The following HDAC9 variants were observed in gnomAD, a reference collection of about 807,000 sequenced individuals.
The protein encoded by HDAC9 is histone deacetylase 9, also known as MEF-2 interacting transcription repressor (MITR) protein.
HDAC9 carries 41 observed loss-of-function variants against 139.4 expected under a neutral mutation model. That is an observed-to-expected ratio of 0.29 (90% confidence interval 0.23 to 0.38). HDAC9 has a LOEUF of 0.38. HDAC9 is among the 10% of genes least tolerant of loss of function. The pLI is 1.00. For missense variants in HDAC9, 1,147 were observed against 1,297.0 expected (o/e 0.88, Z 1.78); for synonymous variants, 517 against 476.2 (o/e 1.09, Z -1.12).
intron 14 of HDAC9, among the ~76,000 whole-genome samples, chr7:18,759,465 C>T (rs964343509): frequency 6.6e-6 from 1 of 151,790 alleles, no homozygotes; most frequent in African/African-American, 2.4e-5. Context: ...AAATGTCTGA[C>T]GATCTGTCAC....
intron 2 of HDAC9, among the ~76,000 whole-genome samples, chr7:18,163,766 A>G (rs1004304521): frequency 1.3e-5 from 2 of 152,196 alleles, no homozygotes; most frequent in Admixed American, 6.5e-5. Context: ...TTTAAATATT[A>G]TGTATATTTA....
intron 13 of HDAC9, among the ~76,000 whole-genome samples, chr7:18,741,927 C>T (rs1467079544): frequency 6.6e-6 from 1 of 152,128 alleles, no homozygotes; most frequent in East Asian, 1.9e-4. Context: ...AATGGAACCT[C>T]AATATATCAC....
intron 11 of HDAC9, among the ~76,000 whole-genome samples, chr7:18,662,246 G>A (rs376530540): frequency 1.4e-4 from 22 of 151,876 alleles, no homozygotes; most frequent in African/African-American, 5.1e-4. Flanking sequence ...ATATTTAAAT[G>A]GCCACTGGAT....
chr7:18,852,143 A>G (rs34302776), intron 21 of HDAC9, among the ~76,000 whole-genome samples: 1,771 of 152,310 alleles, frequency 0.012, 13 homozygotes, highest in African/African-American at 0.015. Flanking sequence ...GCTGCCTTAC[A>G]AGTAGCTGAC....
intron 24 of HDAC9, among the ~76,000 whole-genome samples, chr7:18,956,665 C>A (rs1783171232): frequency 6.6e-6 from 1 of 152,114 alleles, no homozygotes; most frequent in Non-Finnish European, 1.5e-5. Flanking sequence ...CAAAAGGAGT[C>A]TGGTTTTATT....
chr7:18,158,210 T>C (rs752826910), intron 1 of HDAC9, among the ~76,000 whole-genome samples: 6 of 152,082 alleles, frequency 3.9e-5, no homozygotes, highest in Non-Finnish European at 8.8e-5. Flanking sequence ...TGTAATAAGC[T>C]CAGAGTATAG....
intron 1 of HDAC9, among the ~76,000 whole-genome samples, chr7:18,091,886 T>C (rs2128059092): frequency 6.6e-6 from 1 of 152,378 alleles, no homozygotes; most frequent in Non-Finnish European, 1.5e-5. Flanking sequence ...TGTTATTCTT[T>C]GCCATGTGGC....
intron 1 of HDAC9, among the ~76,000 whole-genome samples, chr7:18,364,350 C>T (rs1784015073): frequency 6.6e-6 from 1 of 151,872 alleles, no homozygotes; most frequent in African/African-American, 2.4e-5. Flanking sequence ...GCGGCACCGG[C>T]ATATGATAAA....
At chr7:18,865,969 T>C (rs995465455) in intron 21 of HDAC9, among the ~76,000 whole-genome samples, 1 of 151,394 alleles carries the variant, frequency 6.6e-6, no homozygotes, top group Admixed American at 6.6e-5. Context: ...TTATAAATTA[T>C]ACAGGGGATC....
intron 1 of HDAC9, among the ~76,000 whole-genome samples, chr7:18,302,069 C>T (rs1303852885): frequency 6.6e-6 from 1 of 152,148 alleles, no homozygotes; most frequent in Non-Finnish European, 1.5e-5. Context: ...GAACAGCAGC[C>T]TTACCATCAG....
chr7:18,841,137 A>T (rs1298674394), intron 21 of HDAC9, among the ~76,000 whole-genome samples: 1 of 152,066 alleles, frequency 6.6e-6, no homozygotes, highest in South Asian at 2.1e-4. Context: ...AAAATATATC[A>T]TCATTATTCT....
Position 18,429,645 on chromosome 7 carries a change from T to C in HDAC9, c.-41-66617T>C, listed in dbSNP as rs113670938. On this transcript the variant is annotated intron_variant, in intron 1 of 3. Transcript: ENST00000413509. ...AGTAAAAACAAAGGAGATTATAGAT[T>C]ACGTGTTTTTGGTAAAATTTTTTCA... Among the ~76,000 whole-genome samples the C allele has an allele frequency of 2.9e-3, 436 of 152,252 alleles. 5 individuals carry two copies. Among genetic ancestry groups the C allele is most frequent in the Non-Finnish European group, 3.2e-3 (221 of 68,016 alleles).
chr7:18,170,717 T>C (rs1291355104), intron 2 of HDAC9, among the ~76,000 whole-genome samples: 2 of 152,176 alleles, frequency 1.3e-5, no homozygotes, highest in Non-Finnish European at 2.9e-5. Context: ...CTTTCCCATT[T>C]CTTGTTTTTG....
chr7:18,169,664 A>G (rs998559716), intron 2 of HDAC9, among the ~76,000 whole-genome samples: 1 of 151,582 alleles, frequency 6.6e-6, no homozygotes, highest in African/African-American at 2.4e-5. Flanking sequence ...CCTATGTCCA[A>G]GTGTTCTTAT....
chr7:18,545,646 C>G (rs1015035914), intron 2 of HDAC9, among the ~76,000 whole-genome samples: 4 of 151,998 alleles, frequency 2.6e-5, no homozygotes, highest in African/African-American at 9.7e-5. Flanking sequence ...CTGCAGCACC[C>G]AAAACAGTGC....
chr7:18,214,317 T>G (rs1792145974), intron 2 of HDAC9, among the ~76,000 whole-genome samples: 1 of 152,090 alleles, frequency 6.6e-6, no homozygotes, highest in African/African-American at 2.4e-5. Flanking sequence ...TTCCACCCAT[T>G]AAGCTATGAA....
chr7:18,407,710 A>G (rs1014788602), intron 1 of HDAC9, among the ~76,000 whole-genome samples: 3 of 152,202 alleles, frequency 2.0e-5, no homozygotes, highest in Admixed American at 6.5e-5. Flanking sequence ...CGATAGAACA[A>G]TAGTAAAACT....
chr7:18,311,538 A>G (rs1261013916), intron 1 of HDAC9, among the ~76,000 whole-genome samples: 3 of 152,150 alleles, frequency 2.0e-5, no homozygotes, highest in Admixed American at 6.6e-5. Flanking sequence ...TTTATATTTT[A>G]CAGATGAGGA....
At position 18,818,742 on chromosome 7, in the gene HDAC9, G is replaced by A. The variant is rs749285846; in HGVS notation, c.2323-10419G>A. ...TTCTTACTCTCATCAGTGGAGATTT[G>A]ACCCTTATTTTTCATGATTTTGAAG... On this transcript the variant is annotated intron_variant, in intron 17 of 25. Coordinates refer to ENST00000686413, the MANE Select transcript of HDAC9 (RefSeq NM_178425.4). Among the ~76,000 whole-genome samples the A allele has an allele frequency of 4.9e-4, 75 of 152,106 alleles. No homozygotes were observed. The Middle Eastern group carries it at 0.014, about 28-fold the overall frequency.
Sources: allele counts gnomAD v4.1 joint callset (sites outside exome capture counted in the v4.1 genomes callset), GRCh38; gene constraint gnomAD v4.1.1; transcripts MANE v1.5; gene names NCBI Gene and HGNC (gene_info 2026-07-23, HGNC 2026-07-21).